CLMP: variants seen among roughly 807,000 people sequenced by gnomAD.
CLMP encodes the protein CXADR-like membrane protein.
CLMP carries 27 observed loss-of-function variants against 45.2 expected under a neutral mutation model. That is an observed-to-expected ratio of 0.60 (90% CI 0.44 to 0.82). The LOEUF (loss-of-function observed/expected upper bound fraction) is 0.82, where lower values mean the gene tolerates loss of function less well. Among genes scored for constraint, CLMP ranks in the 40% least tolerant of loss-of-function variants. The probability of loss-of-function intolerance (pLI) is 0.00; values close to 1 mark genes in which losing one functional copy is unlikely to be tolerated. For missense variants in CLMP, 403 were observed against 448.4 expected, an observed-to-expected ratio of 0.90 and a Z score of 0.91; for synonymous variants, 167 against 171.4, an observed-to-expected ratio of 0.97 and a Z score of 0.20.
chr11:123,075,701 T>C (rs142835744), intron 5 of CLMP, among the ~76,000 whole-genome samples: 135 of 152,148 alleles, frequency 8.9e-4, no homozygotes, highest in African/African-American at 2.6e-3. Flanking sequence ...GGTTATGTTT[T>C]AGTGAATAAG....
intron 2 of CLMP, among the ~76,000 whole-genome samples, chr11:123,096,432 G>C (rs1429914510): frequency 1.3e-5 from 2 of 152,182 alleles, no homozygotes; most frequent in Non-Finnish European, 2.9e-5. Context: ...GCTGAAGCGG[G>C]AGAATCGCTT....
intron 1 of CLMP, among the ~76,000 whole-genome samples, chr11:123,118,757 C>G (rs1860751218): frequency 6.6e-6 from 1 of 152,010 alleles, no homozygotes; most frequent in African/African-American, 2.4e-5. Flanking sequence ...AGTCATTTCC[C>G]CTGACTTTAC....
intron 1 of CLMP, among the ~76,000 whole-genome samples, chr11:123,185,098 G>A (rs924810456): frequency 1.3e-5 from 2 of 152,194 alleles, no homozygotes; most frequent in Non-Finnish European, 2.9e-5. Flanking sequence ...TGAAGAGGTG[G>A]CTGGTCACAG....
chr11:123,150,527 G>GGAAGGAAA (rs1861316258), intron 1 of CLMP, among the ~76,000 whole-genome samples: 8 of 113,858 alleles, frequency 7.0e-5, no homozygotes, highest in Admixed American at 2.0e-4. Context: ...AAGGAAGGAA[G>GGAAGGAAA]GAAAGAAACA....
intron 5 of CLMP, 92 bp downstream of exon 5, chr11:123,082,993 C>G (rs1565377427): frequency 6.7e-7 from 1 of 1,483,096 alleles, no homozygotes; most frequent in Non-Finnish European, 9.2e-7. Flanking sequence ...TGACCTTAAC[C>G]TTACTCTTAC....
chr11:123,184,275 A>G (rs1017549926), intron 1 of CLMP, among the ~76,000 whole-genome samples: 11 of 151,952 alleles, frequency 7.2e-5, no homozygotes, highest in Non-Finnish European at 1.5e-4. Flanking sequence ...TTGTATTTTT[A>G]GTAGAGATGG....
rs1861568103 is a variant in CLMP, at chr11:123,167,102, A to T, written c.28+27811T>A. On this transcript the variant is annotated intron_variant, in intron 1 of 6. Coordinates refer to ENST00000448775, the MANE Select transcript of CLMP (RefSeq NM_024769.5). ...GTGTTTAGCGCAGTGCTTGGCACAT[A>T]GTAGGTATTTGATGAGTGATAGCGA... Among the ~76,000 whole-genome samples, 2 of 152,160 alleles carry T rather than the reference A, an allele frequency of 1.3e-5. 1 individual carries two copies. Among genetic ancestry groups the T allele is most frequent in the Admixed American group, 1.3e-4 (2 of 15,284 alleles).
chr11:123,142,917 C>T lies in CLMP; in HGVS notation c.29-44965G>A, dbSNP rs148074242. ...CTGGGACTACAGGCGTGAGCCACCG[C>T]GCCCGGCCGATGAGGTTTCTTAAAA... On this transcript the variant is annotated intron_variant, in intron 1 of 6. Coordinates refer to ENST00000448775, the MANE Select transcript of CLMP (RefSeq NM_024769.5). 3.1e-3 allele frequency among the ~76,000 whole-genome samples: 472 copies of T among 152,286 alleles called. 1 individual carries two copies. Among genetic ancestry groups the T allele is most frequent in the African/African-American group, 0.01 (425 of 41,560 alleles).
At chr11:123,147,074 T>C (rs555242247) in intron 1 of CLMP, among the ~76,000 whole-genome samples, 1 of 152,360 alleles carries the variant, frequency 6.6e-6, no homozygotes, top group Admixed American at 6.5e-5. Context: ...TTGTGTAAAA[T>C]GGACTCTTTG....
intron 1 of CLMP, among the ~76,000 whole-genome samples, chr11:123,188,440 C>T (rs112553738): frequency 0.02 from 1,083 of 55,370 alleles, 13 homozygotes; most frequent in African/African-American, 0.075. Flanking sequence ...CTTCCTCCTC[C>T]TCTTCCTCCT....
chr11:123,096,939 C>T (rs890841838), intron 2 of CLMP, among the ~76,000 whole-genome samples: 2 of 151,128 alleles, frequency 1.3e-5, no homozygotes, highest in Non-Finnish European at 3.0e-5. Context: ...AGGCGATCCT[C>T]CTGCACTCAA....
chr11:123,122,903 G>C (rs994151108), intron 1 of CLMP, among the ~76,000 whole-genome samples: 59 of 152,150 alleles, frequency 3.9e-4, no homozygotes, highest in African/African-American at 1.4e-3. Flanking sequence ...ATGAATCAAG[G>C]CTTTCGGAAC....
chr11:123,188,523 C>T (rs1861863275), intron 1 of CLMP, among the ~76,000 whole-genome samples: 1 of 152,116 alleles, frequency 6.6e-6, no homozygotes, highest in Non-Finnish European at 1.5e-5. Context: ...CCACATCCCC[C>T]TTGCTGCCGC....
At chr11:123,131,200 TC>T (rs963704245) in intron 1 of CLMP, among the ~76,000 whole-genome samples, 1 of 152,074 alleles carries the variant, frequency 6.6e-6, no homozygotes, top group Non-Finnish European at 1.5e-5. Context: ...CATTTTTCTT[TC>T]CCCCCAAATA....
intron 1 of CLMP, among the ~76,000 whole-genome samples, chr11:123,158,920 C>T (rs1861449826): frequency 6.6e-6 from 1 of 152,184 alleles, no homozygotes; most frequent in Non-Finnish European, 1.5e-5. Context: ...AGAGAATGTT[C>T]AGTGAATATT....
intron 1 of CLMP, among the ~76,000 whole-genome samples, chr11:123,128,412 T>C (rs114193511): frequency 2.6e-5 from 3 of 114,480 alleles, no homozygotes; most frequent in African/African-American, 1.2e-4. Context: ...GCATGGTGGC[T>C]CAGGCCTGTA....
At chr11:123,155,991 T>A (rs983837645) in intron 1 of CLMP, among the ~76,000 whole-genome samples, 8 of 152,000 alleles carry the variant, frequency 5.3e-5, no homozygotes, top group Non-Finnish European at 8.8e-5. Context: ...ATAGAATGAG[T>A]GTTTATGTCC....
intron 1 of CLMP, among the ~76,000 whole-genome samples, chr11:123,100,371 ACT>A (rs1866041222): frequency 6.8e-6 from 1 of 146,724 alleles, no homozygotes; most frequent in Non-Finnish European, 1.5e-5. Flanking sequence ...ACAGAGCGAG[ACT>A]CCCTCTCAGA....
At chr11:123,189,279 A>G (rs527510131) in intron 1 of CLMP, among the ~76,000 whole-genome samples, 1 of 152,336 alleles carries the variant, frequency 6.6e-6, no homozygotes, top group East Asian at 1.9e-4. Context: ...TGATTTCAGA[A>G]TAACCATGTG....
Sources: allele counts gnomAD v4.1 joint callset (sites outside exome capture counted in the v4.1 genomes callset), GRCh38; gene constraint gnomAD v4.1.1; transcripts MANE v1.5; gene names NCBI Gene and HGNC (gene_info 2026-07-23, HGNC 2026-07-21).